EOGT: variants seen among roughly 807,000 people sequenced by gnomAD.
EOGT encodes the protein EGF domain-specific O-linked N-acetylglucosamine transferase.
Under a neutral mutation model 70.5 loss-of-function variants are expected in EOGT, and 55 were observed. The observed-to-expected ratio is 0.78, with a 90% CI of 0.63 to 0.98. The LOEUF (loss-of-function observed/expected upper bound fraction) is 0.98, where lower values mean the gene tolerates loss of function less well. EOGT is among the 50% of genes least tolerant of loss of function. The pLI is 0.00. For synonymous variants in EOGT, 246 were observed against 217.1 expected (o/e 1.13, Z -1.17); for missense variants, 703 against 641.9 (o/e 1.10, Z -1.03).
At chr3:68,992,717 C>T (rs934314258) in intron 10 of EOGT, among the ~76,000 whole-genome samples, 1 of 152,244 alleles carries the variant, frequency 6.6e-6, no homozygotes, top group Admixed American at 6.5e-5. Context: ...TTCCACACTG[C>T]CTTAGCAGAG....
At chr3:68,990,802 G>C (rs993924778) in intron 10 of EOGT, among the ~76,000 whole-genome samples, 14 of 150,262 alleles carry the variant, frequency 9.3e-5, no homozygotes, top group African/African-American at 3.2e-4. Context: ...TATACATTAT[G>C]TTCATGTCTC....
intron 10 of EOGT, among the ~76,000 whole-genome samples, chr3:68,993,253 CTGAG>C (rs1339962961): frequency 6.6e-6 from 1 of 152,180 alleles, no homozygotes; most frequent in Non-Finnish European, 1.5e-5. Context: ...CCTTTTAAAA[CTGAG>C]TGTCTTTCAC....
intron 14 of EOGT, among the ~76,000 whole-genome samples, chr3:68,986,025 T>G (rs1459911363): frequency 6.6e-6 from 1 of 152,194 alleles, no homozygotes; most frequent in African/African-American, 2.4e-5. Flanking sequence ...GCCAGCAACA[T>G]GGCATCTCTC....
intron 9 of EOGT, among the ~76,000 whole-genome samples, chr3:68,999,767 C>T (rs2091248082): frequency 6.6e-6 from 1 of 152,094 alleles, no homozygotes; most frequent in Admixed American, 6.6e-5. Flanking sequence ...TTAGTGAGTT[C>T]CTAACAGTTA....
At chr3:69,011,579 G>C (rs1443551692) in intron 3 of EOGT, among the ~76,000 whole-genome samples, 2 of 138,938 alleles carry the variant, frequency 1.4e-5, no homozygotes, top group East Asian at 2.0e-4. Context: ...TGGGTAATGC[G>C]AGGGAGACTC....
chr3:68,982,760 C>G (rs747311555), intron 15 of EOGT, 51 bp downstream of exon 15: 4 of 1,431,032 alleles, frequency 2.8e-6, no homozygotes, highest in Non-Finnish European at 3.9e-6. Context: ...GCCCCCTTGA[C>G]CTCATCCAAG....
At position 68,997,999 on chromosome 3, in the gene EOGT, ATTCT is replaced by A. The variant is rs1358234708; in HGVS notation, c.831+8_831+11del. On this transcript the variant is annotated splice_region_variant and intron_variant, in intron 10 of 17. Transcript: ENST00000383701. Reference sequence around the variant, plus strand: ...AAGACAGTACTGAAGCGGAGAGCACATTCTTACTTACGGTGTCCCACATCACGAT... The same window carrying A: ...AAGACAGTACTGAAGCGGAGAGCACATACTTACGGTGTCCCACATCACGAT... 1.4e-6 allele frequency: 2 copies of A among 1,444,330 alleles called. No individual in the cohort carries two copies. The highest frequency in any genetic ancestry group is 1.4e-5 in the African/African-American group (1 of 69,854). 89.5% of individuals were successfully genotyped at this position (1,444,330 alleles called of 1,614,324 possible).
chr3:68,986,813 C>T lies in EOGT; in HGVS notation c.1152+632G>A, dbSNP rs147627933. ...AGCTCCATGAGGTCAGGCACCTTCC[C>T]CGTCTTTGCTCTACTCTATCTCCAG... On this transcript the variant is annotated intron_variant, in intron 14 of 17. Coordinates refer to ENST00000383701, the MANE Select transcript of EOGT (RefSeq NM_001278689.2). Among the ~76,000 whole-genome samples the T allele has an allele frequency of 3.0e-3, 453 of 152,328 alleles. 6 individuals are homozygous for T. The highest frequency in any genetic ancestry group is 0.025 in the Admixed American group (379 of 15,300).
rs540620042 is a variant in EOGT, at chr3:68,978,447, A to T, written c.1335-12T>A. On this transcript the variant is annotated splice_polypyrimidine_tract_variant and intron_variant, in intron 16 of 17. Transcript: ENST00000383701. ...CTTCACAGTTGTACCTAAGGACACA[A>T]GGGTGTCACAACATGAGGCTTTTGT... is the stretch of plus-strand genomic sequence containing the variant. The T allele has an allele frequency of 6.4e-7, 1 of 1,564,322 alleles. No homozygotes were observed. Among genetic ancestry groups the T allele is most frequent in the Non-Finnish European group, 8.7e-7 (1 of 1,155,276 alleles).
chr3:68,979,668 A>C lies in EOGT; in HGVS notation c.1334T>G (p.Leu445Arg), dbSNP rs1221764365. Residue 445 changes from leucine to arginine, a missense_variant and splice_region_variant, in exon 16 of 18, where the codon CTG becomes CGG. By Grantham distance (102) the Leu-to-Arg change is moderately radical. Transcript: ENST00000383701. ...TGTAAAACTGCCTCCCAACACTTACAGTTCAAATACAGCAGCCCAGTCTGG... is the reference window on the plus strand; with the variant it reads ...TGTAAAACTGCCTCCCAACACTTACCGTTCAAATACAGCAGCCCAGTCTGG... ...FLPDWAAVFE[L>R]YNCEDERCYL... 1 of 1,613,368 alleles carries C rather than the reference A, an allele frequency of 6.2e-7. No individual in the cohort carries two copies. Among genetic ancestry groups the C allele is most frequent in the African/African-American group, 1.3e-5 (1 of 75,022 alleles).
At chr3:68,995,513 G>A (rs1412664206) in intron 10 of EOGT, among the ~76,000 whole-genome samples, 1 of 152,168 alleles carries the variant, frequency 6.6e-6, no homozygotes, top group East Asian at 1.9e-4. Context: ...CTCATGCTCA[G>A]CTGACTGAGT....
intron 14 of EOGT, among the ~76,000 whole-genome samples, chr3:68,987,029 T>C (rs1205155347): frequency 6.6e-6 from 1 of 152,244 alleles, no homozygotes; most frequent in Non-Finnish European, 1.5e-5. Flanking sequence ...ATGCAGTTTC[T>C]AAGACATGGT....
Position 69,010,799 on chromosome 3 carries a change from G to T in EOGT, c.-14-939C>A, listed in dbSNP as rs187663631. 1.1e-3 allele frequency among the ~76,000 whole-genome samples: 162 copies of T among 152,314 alleles called. 1 individual carries two copies. Among genetic ancestry groups the T allele is most frequent in the Middle Eastern group, 0.01 (3 of 294 alleles). ...AGCAAAGGGAGTGGGATGGCTCTGA[G>T]CAAGTGTGTGTCTGCTGAATAAAAA... On this transcript the variant is annotated intron_variant, in intron 3 of 17. Coordinates refer to ENST00000383701, the MANE Select transcript of EOGT (RefSeq NM_001278689.2).
rs1201622273 is a variant in EOGT, at chr3:69,004,499, C to T, written c.516-17G>A. 1 of 1,577,804 alleles carries T rather than the reference C, an allele frequency of 6.3e-7. No homozygotes were observed. The highest frequency in any genetic ancestry group is 8.7e-7 in the Non-Finnish European group (1 of 1,147,700). On this transcript the variant is annotated splice_polypyrimidine_tract_variant and intron_variant, in intron 7 of 17. Coordinates refer to ENST00000383701, the MANE Select transcript of EOGT (RefSeq NM_001278689.2). ...TCCTTAAATCTGGTATATAACAAAA[C>T]ATTAAGTTAAGTTCAGAAAACGTCT...
At chr3:69,004,748 T>C (rs952854129) in intron 7 of EOGT, among the ~76,000 whole-genome samples, 51 of 151,802 alleles carry the variant, frequency 3.4e-4, no homozygotes, top group Admixed American at 2.9e-3. Context: ...CCCTCTGCCA[T>C]ATCATCAAAA....
chr3:69,002,561 C>T (rs1368950291), intron 8 of EOGT, among the ~76,000 whole-genome samples: 1 of 151,676 alleles, frequency 6.6e-6, no homozygotes, highest in East Asian at 1.9e-4. Flanking sequence ...TGCAAAATCC[C>T]AGATAAATGT....
intron 2 of EOGT, 93 bp downstream of exon 2, chr3:69,012,422 C>T (rs1196247093): frequency 6.6e-6 from 1 of 152,256 alleles, no homozygotes; most frequent in South Asian, 2.1e-4. Context: ...ACTCGTCCTT[C>T]CCGGTAATAA....
intron 10 of EOGT, 39 bp downstream of exon 10, chr3:68,997,972 G>A: frequency 8.5e-7 from 1 of 1,181,824 alleles, no homozygotes; most frequent in African/African-American, 1.6e-5. Context: ...TGATACAAGG[G>A]AAAGACAGTA....
At chr3:69,001,914 G>A (rs190372840) in intron 8 of EOGT, among the ~76,000 whole-genome samples, 200 bp from the exon 9 acceptor site, 7 of 152,246 alleles carry the variant, frequency 4.6e-5, no homozygotes, top group Admixed American at 1.3e-4. Context: ...GGAACAGACC[G>A]GGTGCAGTGG....
Sources: allele counts gnomAD v4.1 joint callset (sites outside exome capture counted in the v4.1 genomes callset), GRCh38; gene constraint gnomAD v4.1.1; transcripts MANE v1.5; gene names NCBI Gene and HGNC (gene_info 2026-07-23, HGNC 2026-07-21).